FAM178B: variants seen among roughly 807,000 people sequenced by gnomAD.
The protein encoded by FAM178B is family with sequence similarity 178 member B.
Under a neutral mutation model 91.7 loss-of-function variants are expected in FAM178B, and 82 were observed. That is an observed-to-expected ratio of 0.89 (90% CI 0.75 to 1.07). The LOEUF (loss-of-function observed/expected upper bound fraction) is 1.07, where lower values mean the gene tolerates loss of function less well. Among genes scored for constraint, FAM178B ranks in the 50% least tolerant of loss-of-function variants. The pLI is 0.00. For missense variants in FAM178B, 769 were observed against 846.7 expected, an observed-to-expected ratio of 0.91 and a Z score of 1.14; for synonymous variants, 368 against 359.4, an observed-to-expected ratio of 1.02 and a Z score of -0.27.
chr2:96,910,727 C>A (rs2081139319), intron 12 of FAM178B, among the ~76,000 whole-genome samples: 1 of 152,154 alleles, frequency 6.6e-6, no homozygotes, highest in South Asian at 2.1e-4. Flanking sequence ...CCTCACTGGG[C>A]TCCTTTGTAA....
At chr2:96,961,976 T>C (rs1037660975) in intron 5 of FAM178B, among the ~76,000 whole-genome samples, 1 of 152,218 alleles carries the variant, frequency 6.6e-6, no homozygotes, top group Non-Finnish European at 1.5e-5. Context: ...ATTAGTTTTG[T>C]ATCTATTGCT....
At chr2:96,972,664 A>C in intron 1 of FAM178B, 58 bp from the exon 2 acceptor site, 6 of 1,483,212 alleles carry the variant, frequency 4.0e-6, no homozygotes, top group Non-Finnish European at 5.5e-6. Context: ...AAAGGTTCTA[A>C]ACCCCGTGAT....
intron 8 of FAM178B, among the ~76,000 whole-genome samples, chr2:96,935,925 C>G (rs1559083349): frequency 6.6e-6 from 1 of 151,972 alleles, no homozygotes; most frequent in Non-Finnish European, 1.5e-5. Flanking sequence ...CGTGAGCCAC[C>G]ACGCCTGGCC....
chr2:96,948,325 C>T (rs58115149), intron 7 of FAM178B, among the ~76,000 whole-genome samples: 4,295 of 152,312 alleles, frequency 0.028, 204 homozygotes, highest in African/African-American at 0.089. Context: ...CAGGGTGGGC[C>T]CTCTCTGTGA....
chr2:96,937,875 C>T (rs1205867653), intron 8 of FAM178B, among the ~76,000 whole-genome samples: 3 of 151,928 alleles, frequency 2.0e-5, no homozygotes, highest in Non-Finnish European at 2.9e-5. Context: ...AAAATACAAA[C>T]AAATTAGCCG....
intron 1 of FAM178B, among the ~76,000 whole-genome samples, chr2:96,979,383 G>C (rs2082333052): frequency 6.8e-6 from 1 of 147,068 alleles, no homozygotes; most frequent in Non-Finnish European, 1.5e-5. Flanking sequence ...TACTTTATTA[G>C]TAGAGACGGG....
chr2:96,925,500 GC>G (rs1380287296), intron 9 of FAM178B, among the ~76,000 whole-genome samples: 1 of 152,236 alleles, frequency 6.6e-6, no homozygotes, highest in African/African-American at 2.4e-5. Flanking sequence ...CTGAGCTGCA[GC>G]ATCAGCTGAT....
At chr2:96,876,377 C>T (rs571548878) in intron 16 of FAM178B, 69 bp from the exon 17 acceptor site, 161 of 1,546,610 alleles carry the variant, frequency 1.0e-4, no homozygotes, top group Admixed American at 2.5e-4. Context: ...TGCAGCTCCC[C>T]GGGCTGGCGG....
At chr2:96,929,506 A>C (rs1365387730) in intron 8 of FAM178B, among the ~76,000 whole-genome samples, 186 bp from the exon 9 acceptor site, 5 of 152,188 alleles carry the variant, frequency 3.3e-5, no homozygotes. Context: ...GGGCTTTGTG[A>C]ATTTCAATGT....
Position 96,967,513 on chromosome 2 carries a change from C to G in FAM178B, c.734+7G>C. 6.5e-7 allele frequency: 1 copy of G among 1,532,660 alleles called. No individual in the cohort carries two copies. Among genetic ancestry groups the G allele is most frequent in the Non-Finnish European group, 8.8e-7 (1 of 1,131,862 alleles). The allele number at this position is 1,532,660 out of a possible 1,614,324, so 94.9% of individuals were successfully genotyped here. On this transcript the variant is annotated splice_region_variant and intron_variant, in intron 5 of 16. Transcript: ENST00000490605. ...TCGGAGGCTGGTGCCAGGCCCCTGC[C>G]CCTCACCTGTGCTCGGGTGTGAGTG... is the stretch of plus-strand genomic sequence containing the variant.
intron 13 of FAM178B, among the ~76,000 whole-genome samples, chr2:96,898,521 G>A (rs547888171): frequency 6.6e-6 from 1 of 152,294 alleles, no homozygotes; most frequent in South Asian, 2.1e-4. Context: ...AGGTGTGGTG[G>A]TGCACGCCCA....
intron 1 of FAM178B, among the ~76,000 whole-genome samples, chr2:96,981,759 A>AG (rs2082365766): frequency 1.3e-5 from 2 of 149,282 alleles, no homozygotes; most frequent in Admixed American, 1.3e-4. Context: ...AAAAAAAAAA[A>AG]AAAGAAAGAA....
At chr2:96,976,487 A>G (rs1291608500) in intron 1 of FAM178B, among the ~76,000 whole-genome samples, 1 of 152,150 alleles carries the variant, frequency 6.6e-6, no homozygotes, top group African/African-American at 2.4e-5. Context: ...AAGAACTGAA[A>G]ACAAATATCC....
chr2:96,891,255 C>T (rs1186707975), intron 14 of FAM178B, among the ~76,000 whole-genome samples: 2 of 152,196 alleles, frequency 1.3e-5, no homozygotes, highest in Non-Finnish European at 1.5e-5. Flanking sequence ...TAATTACAAA[C>T]GATGTGCTGG....
rs60102987 is a variant in FAM178B at position 96,930,210 on chromosome 2, CAAAAAAAAAAAAAAAAA to C, written c.1079-907_1079-891del. Among the ~76,000 whole-genome samples, 54 of 39,496 alleles carry C rather than the reference CAAAAAAAAAAAAAAAAA, an allele frequency of 1.4e-3. 1 individual carries two copies. The highest frequency in any genetic ancestry group is 5.1e-3 in the Admixed American group (11 of 2,174). The allele number at this position is 39,496 out of a possible 152,430, so 25.9% of individuals were successfully genotyped here. The stretch of plus-strand genomic sequence containing the variant: ...GTGACAGAGCGAGACTCCGTCTCTC[CAAAAAAAAAAAAAAAAA>C]AAAAAAAAAAAAAAAAATCTGACCA... On this transcript the variant is annotated intron_variant, in intron 8 of 16. Coordinates refer to ENST00000490605, the MANE Select transcript of FAM178B (RefSeq NM_001122646.3).
At chr2:96,909,226 A>T (rs1044117391) in intron 12 of FAM178B, among the ~76,000 whole-genome samples, 1 of 152,204 alleles carries the variant, frequency 6.6e-6, no homozygotes, top group African/African-American at 2.4e-5. Flanking sequence ...ATCCATTTTA[A>T]TTCTCTTTGC....
intron 5 of FAM178B, among the ~76,000 whole-genome samples, chr2:96,967,291 T>G (rs1428275850): frequency 6.6e-6 from 1 of 152,256 alleles, no homozygotes; most frequent in African/African-American, 2.4e-5. Context: ...CTGTGTTTTA[T>G]GATCCCTGTG....
At chr2:96,953,973 G>T (rs967433275) in intron 6 of FAM178B, among the ~76,000 whole-genome samples, 47 of 152,356 alleles carry the variant, frequency 3.1e-4, no homozygotes, top group African/African-American at 8.7e-4. Flanking sequence ...GGAGGTGTGT[G>T]CAGTGAAAGC....
At chr2:96,928,607 C>T (rs543439799) in intron 9 of FAM178B, among the ~76,000 whole-genome samples, 4 of 152,220 alleles carry the variant, frequency 2.6e-5, no homozygotes, top group South Asian at 2.1e-4. Flanking sequence ...GGGACTGGGA[C>T]GTGTCTGCAA....
Sources: allele counts gnomAD v4.1 joint callset (sites outside exome capture counted in the v4.1 genomes callset), GRCh38; gene constraint gnomAD v4.1.1; transcripts MANE v1.5; gene names NCBI Gene and HGNC (gene_info 2026-07-23, HGNC 2026-07-21).